Variants in HELZ observed in about 807,000 individuals in gnomAD.
HELZ encodes the protein helicase with zinc finger, also known as ATP-dependent RNA helicase with zinc finger domain.
Under a neutral mutation model 218.2 loss-of-function variants are expected in HELZ, and 23 were observed. That is an observed-to-expected ratio of 0.11 (90% CI 0.08 to 0.15). HELZ has a LOEUF of 0.15. HELZ is among the 10% of genes least tolerant of loss of function. The probability of loss-of-function intolerance (pLI) is 1.00; values close to 1 mark genes in which losing one functional copy is unlikely to be tolerated. For missense variants in HELZ, 1,813 were observed against 2,353.7 expected, an observed-to-expected ratio of 0.77 and a Z score of 4.75; for synonymous variants, 814 against 829.4, an observed-to-expected ratio of 0.98 and a Z score of 0.32.
intron 31 of HELZ, among the ~76,000 whole-genome samples, chr17:67,098,113 A>C (rs1295789490): frequency 1.3e-5 from 2 of 152,182 alleles, no homozygotes; most frequent in Admixed American, 1.3e-4. Context: ...TCTTCACAAG[A>C]ACATAATTTT....
intron 13 of HELZ, among the ~76,000 whole-genome samples, chr17:67,178,450 G>C (rs1311024853): frequency 6.6e-6 from 1 of 152,142 alleles, no homozygotes; most frequent in Non-Finnish European, 1.5e-5. Context: ...TTATAGAAAT[G>C]AACTATGTGC....
chr17:67,104,249 A>C (rs1390305274), intron 31 of HELZ, among the ~76,000 whole-genome samples: 7 of 152,088 alleles, frequency 4.6e-5, no homozygotes, highest in African/African-American at 4.8e-5. Context: ...CCTGGCTAAC[A>C]TGGTGAAACC....
intron 7 of HELZ, among the ~76,000 whole-genome samples, chr17:67,197,496 T>C (rs1416850282): frequency 6.6e-6 from 1 of 152,242 alleles, no homozygotes; most frequent in East Asian, 1.9e-4. Flanking sequence ...GCCTGTATTT[T>C]GTGATAGCAC....
At chr17:67,135,630 C>A (rs1253473991) in intron 23 of HELZ, among the ~76,000 whole-genome samples, 1 of 152,194 alleles carries the variant, frequency 6.6e-6, no homozygotes, top group Non-Finnish European at 1.5e-5. Flanking sequence ...TAATCTTCCT[C>A]TCCTTACCAG....
At chr17:67,085,213 G>A (rs2036331817) in intron 32 of HELZ, among the ~76,000 whole-genome samples, 1 of 152,084 alleles carries the variant, frequency 6.6e-6, no homozygotes, top group African/African-American at 2.4e-5. Context: ...GAGTCCAGGA[G>A]TTTGAGACCA....
At chr17:67,163,566 T>C (rs79339340) in intron 15 of HELZ, among the ~76,000 whole-genome samples, 1 of 135,558 alleles carries the variant, frequency 7.4e-6, no homozygotes, top group Non-Finnish European at 1.5e-5. Context: ...GCTCGGCTAA[T>C]TTTTTTTTTG....
chr17:67,142,649 C>T (rs534472684), intron 21 of HELZ, among the ~76,000 whole-genome samples: 2 of 152,086 alleles, frequency 1.3e-5, no homozygotes, highest in East Asian at 3.9e-4. Flanking sequence ...AAAAGATATA[C>T]CATGCAAACA....
At chr17:67,191,378 T>C (rs747288270) in intron 9 of HELZ, among the ~76,000 whole-genome samples, 7 of 152,224 alleles carry the variant, frequency 4.6e-5, no homozygotes, top group Non-Finnish European at 8.8e-5. Context: ...AGAGAGTCAA[T>C]GATTTCTCGA....
chr17:67,091,023 C>T (rs2036559728), intron 31 of HELZ, among the ~76,000 whole-genome samples: 2 of 151,912 alleles, frequency 1.3e-5, no homozygotes, highest in Admixed American at 6.6e-5. Context: ...AATTCTAATA[C>T]AAGCTATAAA....
chr17:67,242,419 A>AG (rs2041339269), intron 2 of HELZ, among the ~76,000 whole-genome samples: 1 of 150,604 alleles, frequency 6.6e-6, no homozygotes, highest in Non-Finnish European at 1.5e-5. Flanking sequence ...TCTCAAAAAA[A>AG]AAAAAAAAGA....
chr17:67,108,909 T>C lies in HELZ; in HGVS notation c.4490-183A>G, dbSNP rs991662220. ...GTTATGGTGATGATGATGACAACTC[T>C]TCCTCACTTACATAATGATGATCCT... On this transcript the variant is annotated intron_variant, in intron 29 of 32. Coordinates refer to ENST00000358691, the MANE Select transcript of HELZ (RefSeq NM_014877.4). This position sits in a 1 kb window ranked among gnomAD's most constrained non-coding sequence, Gnocchi z 4.1. Among the ~76,000 whole-genome samples the C allele has an allele frequency of 1.3e-5, 2 of 152,198 alleles. No individual in the cohort carries two copies. The highest frequency in any genetic ancestry group is 2.9e-5 in the Non-Finnish European group (2 of 68,032).
chr17:67,084,929 AG>A (rs1482252187), intron 32 of HELZ, among the ~76,000 whole-genome samples: 1 of 152,072 alleles, frequency 6.6e-6, no homozygotes, highest in Admixed American at 6.5e-5. Flanking sequence ...AACACGATGT[AG>A]CCCCGCCTCT....
chr17:67,098,485 A>T (rs1217566249), intron 31 of HELZ, among the ~76,000 whole-genome samples: 1 of 151,996 alleles, frequency 6.6e-6, no homozygotes, highest in Non-Finnish European at 1.5e-5. Context: ...CTGTAATCCC[A>T]GCCCTTTGGG....
intron 3 of HELZ, chr17:67,224,437 G>T (rs150835698): frequency 3.7e-4 from 85 of 227,944 alleles, no homozygotes; most frequent in African/African-American, 1.8e-3. Flanking sequence ...GGTAAGCCAA[G>T]AAACTTTTTT....
At chr17:67,185,123 C>T (rs9898579) in intron 12 of HELZ, among the ~76,000 whole-genome samples, 13,197 of 152,112 alleles carry the variant, frequency 0.087, 1,494 homozygotes, top group African/African-American at 0.26. Context: ...TTTAACAAAG[C>T]AGTTATCTTG....
chr17:67,126,786 G>A (rs964005618), intron 24 of HELZ, among the ~76,000 whole-genome samples: 8 of 152,184 alleles, frequency 5.3e-5, no homozygotes, highest in South Asian at 2.1e-4. Flanking sequence ...GCCTAAACCC[G>A]GGAGGCGGAG....
chr17:67,193,624 G>A (rs1469010516), intron 9 of HELZ, among the ~76,000 whole-genome samples: 1 of 152,180 alleles, frequency 6.6e-6, no homozygotes, highest in African/African-American at 2.4e-5. Context: ...GCTGAGGCAG[G>A]AGAATCACTT....
Position 67,218,766 on chromosome 17 carries a change from T to C in HELZ, c.39A>G (p.Ala13=). The part of the protein sequence containing the change: ...DRRAEKSCEQ[A]CESLKRQDYE... ...AGTCCTGCCTCTTAAGTGATTCACA[T>C]GCTTGTTCACATGACTTTTCAGCTC... is the stretch of plus-strand genomic sequence containing the variant. Residue 13 remains alanine, a synonymous_variant, in exon 4 of 33, where the codon GCA becomes GCG. Coordinates refer to ENST00000358691, the MANE Select transcript of HELZ (RefSeq NM_014877.4). 6.2e-7 allele frequency: 1 copy of C among 1,614,240 alleles called. No individual in the cohort carries two copies. Among genetic ancestry groups the C allele is most frequent in the Non-Finnish European group, 8.5e-7 (1 of 1,180,044 alleles).
Position 67,107,546 on chromosome 17 carries a change from G to C in HELZ, c.4864C>G (p.Pro1622Ala). ...SRSPPAVPSPPSSTDHSSHFS... is the reference protein window; with the variant it reads ...SRSPPAVPSPASSTDHSSHFS... Reference sequence around the variant, plus strand: ...TGGCTACTGTGGTCTGTACTGGATGGGGGAGATGGGACTGCTGGTGGGCTT... The same window carrying C: ...TGGCTACTGTGGTCTGTACTGGATGCGGGAGATGGGACTGCTGGTGGGCTT... The change falls in exon 31 of 33, where the codon CCA becomes GCA. Residue 1622 changes from proline (P) to alanine (A), a missense_variant. Coordinates refer to ENST00000358691, the MANE Select transcript of HELZ (RefSeq NM_014877.4). 6.2e-7 allele frequency: 1 copy of C among 1,614,158 alleles called. No homozygotes were observed. Among genetic ancestry groups the C allele is most frequent in the Non-Finnish European group, 8.5e-7 (1 of 1,180,024 alleles).
Sources: allele counts gnomAD v4.1 joint callset (sites outside exome capture counted in the v4.1 genomes callset), GRCh38; gene constraint gnomAD v4.1.1; non-coding constraint Gnocchi (gnomAD v3.1); transcripts MANE v1.5; gene names NCBI Gene and HGNC (gene_info 2026-07-23, HGNC 2026-07-21).